Variants in REL observed in about 807,000 individuals in gnomAD.
The protein encoded by REL is REL proto-oncogene, NF-kB subunit.
REL carries 15 observed loss-of-function variants against 45.9 expected under a neutral mutation model. That is an observed-to-expected ratio of 0.33 (90% CI 0.22 to 0.50). The LOEUF is 0.50. Among genes scored for constraint, REL ranks in the 20% least tolerant of loss-of-function variants. REL has a pLI of 0.98. For synonymous variants in REL, 239 were observed against 242.1 expected (o/e 0.99, Z 0.12); for missense variants, 601 against 715.2 (o/e 0.84, Z 1.82).
chr2:60,900,259 C>G (rs1312200291), intron 3 of REL: 1 of 152,230 alleles, frequency 6.6e-6, no homozygotes, highest in African/African-American at 2.4e-5. Context: ...ATAGGCAACA[C>G]TTTTGTGAGC....
In REL at chr2:60,881,656, C is replaced by A; in HGVS notation, c.-185C>A. 1.9e-6 allele frequency: 1 copy of A among 528,642 alleles called. No individual in the cohort carries two copies. The highest frequency in any genetic ancestry group is 3.3e-6 in the Non-Finnish European group (1 of 298,770). 32.7% of individuals were successfully genotyped at this position (528,642 alleles called of 1,614,324 possible). On this transcript the variant is annotated 5_prime_UTR_variant, in exon 1 of 10. Transcript: ENST00000394479. ...CTGGGTGACCCGGGGTGCAAGAATT[C>A]AGGGGTTGGGAAGGTGTGAGCCGCA...
intron 3 of REL, among the ~76,000 whole-genome samples, chr2:60,896,412 T>C (rs1673349316): frequency 6.6e-6 from 1 of 152,210 alleles, no homozygotes; most frequent in South Asian, 2.1e-4. Context: ...AAGGTATTAA[T>C]AGTAGTTGTC....
chr2:60,913,058 A>G (rs998869163), intron 4 of REL, among the ~76,000 whole-genome samples: 1 of 152,176 alleles, frequency 6.6e-6, no homozygotes, highest in African/African-American at 2.4e-5. Context: ...TGTTTTCTAT[A>G]AAACTTTTGA....
Position 60,929,856 on chromosome 2 carries a change from C to A in REL, c.*7321C>A, listed in dbSNP as rs1239885782. 1 of 151,732 alleles carries A rather than the reference C, an allele frequency of 6.6e-6. No individual in the cohort carries two copies. The highest frequency in any genetic ancestry group is 1.9e-4 in the East Asian group (1 of 5,182). 9.4% of individuals were successfully genotyped at this position (151,732 alleles called of 1,614,324 possible). ...AAATAAATAAATAAGAAAAAGAAAGCCAGGCATGGTGACATGTGCCTGTGG... is the reference window on the plus strand; with the variant it reads ...AAATAAATAAATAAGAAAAAGAAAGACAGGCATGGTGACATGTGCCTGTGG... On this transcript the variant is annotated 3_prime_UTR_variant, in exon 10 of 10. Coordinates refer to ENST00000394479, the MANE Select transcript of REL (RefSeq NM_001291746.2).
At chr2:60,884,582 G>A (rs1034780184) in intron 1 of REL, among the ~76,000 whole-genome samples, 50 of 152,010 alleles carry the variant, frequency 3.3e-4, no homozygotes, top group Admixed American at 7.2e-4. Flanking sequence ...TTTAATATAA[G>A]TAAAATTAGA....
In REL at chr2:60,928,429, C is replaced by T. The variant is rs1674317386; in HGVS notation, c.*5894C>T. On this transcript the variant is annotated 3_prime_UTR_variant, in exon 10 of 10. Transcript: ENST00000394479. The stretch of plus-strand genomic sequence containing the variant: ...CACTACCTGACTTCAAACTATACTA[C>T]AAGGCTACAGTAACCAAAACAGCAT... 1.3e-5 allele frequency: 2 copies of T among 151,668 alleles called. No homozygotes were observed. The highest frequency in any genetic ancestry group is 4.2e-4 in the South Asian group (2 of 4,802). 9.4% of individuals were successfully genotyped at this position (151,668 alleles called of 1,614,324 possible). A position where few individuals can be genotyped will look rare whatever the true frequency, so the allele number is the denominator to read the frequency against.
At chr2:60,900,890 T>C in intron 3 of REL, 102 bp from the exon 4 acceptor site, 1 of 975,904 alleles carries the variant, frequency 1.0e-6, no homozygotes, top group Non-Finnish European at 1.5e-6. Flanking sequence ...CTTTGGTATG[T>C]ACAACTGACA....
At chr2:60,901,341 A>G (rs1274465420) in intron 4 of REL, among the ~76,000 whole-genome samples, 1 of 150,976 alleles carries the variant, frequency 6.6e-6, no homozygotes, top group Non-Finnish European at 1.5e-5. Flanking sequence ...TTTGTATTTT[A>G]AGTAGAGACG....
At chr2:60,897,441 G>A (rs1287053003) in intron 3 of REL, among the ~76,000 whole-genome samples, 2 of 151,732 alleles carry the variant, frequency 1.3e-5, no homozygotes, top group African/African-American at 4.8e-5. Flanking sequence ...CCAAGTAGCT[G>A]GAATTACAGG....
intron 8 of REL, 164 bp from the exon 9 acceptor site, chr2:60,920,410 A>G: frequency 1.5e-6 from 1 of 671,590 alleles, no homozygotes; most frequent in Non-Finnish European, 2.7e-6. Flanking sequence ...CATGTTGACC[A>G]GGATGGTCTT....
At chr2:60,882,897 G>T (rs562832610) in intron 1 of REL, among the ~76,000 whole-genome samples, 30 of 152,222 alleles carry the variant, frequency 2.0e-4, no homozygotes, top group Non-Finnish European at 2.5e-4. Context: ...TCTCCCTTTG[G>T]GGGGGAATAA....
chr2:60,895,212 C>G (rs1673319649), intron 3 of REL, among the ~76,000 whole-genome samples: 1 of 151,668 alleles, frequency 6.6e-6, no homozygotes, highest in African/African-American at 2.4e-5. Flanking sequence ...GAGACAAGGT[C>G]TCGCTCTGTT....
chr2:60,901,148 C>CTA, intron 4 of REL, 65 bp downstream of exon 4: 1 of 849,422 alleles, frequency 1.2e-6, no homozygotes, highest in African/African-American at 2.4e-5. Context: ...TTTTTTCTTT[C>CTA]TCTTTTTTTT....
At position 60,916,997 on chromosome 2, in the gene REL, C is replaced by T. The variant is rs1253056300; in HGVS notation, c.515C>T (p.Ser172Leu). The T allele has an allele frequency of 6.2e-7, 1 of 1,612,678 alleles. No homozygotes were observed. The highest frequency in any genetic ancestry group is 1.7e-5 in the Admixed American group (1 of 59,948). ...NLTTALPPVV[S>L]NPIYDNRAPN... Reference sequence around the variant, plus strand: ...ACGACTGCTCTTCCTCCTGTTGTCTCGAACCCAATTTATGACAACCGTAAG... The same window carrying T: ...ACGACTGCTCTTCCTCCTGTTGTCTTGAACCCAATTTATGACAACCGTAAG... Residue 172 changes from serine to leucine, a missense_variant, in exon 5 of 10, where the codon TCG (serine) becomes TTG (leucine). Around this residue, in one of 4 missense-constraint regions of REL, gnomAD observed 241 missense variants for 347.0 expected, o/e 0.69. Coordinates refer to ENST00000394479, the MANE Select transcript of REL (RefSeq NM_001291746.2).
At chr2:60,884,472 C>G (rs1050544115) in intron 1 of REL, among the ~76,000 whole-genome samples, 1 of 152,006 alleles carries the variant, frequency 6.6e-6, no homozygotes, top group African/African-American at 2.4e-5. Flanking sequence ...TGATCACAGT[C>G]TTTTGACATA....
chr2:60,920,635 CA>C lies in REL; in HGVS notation c.990del (p.Glu331AsnfsTer11). On this transcript the variant is annotated frameshift_variant, in exon 9 of 10. Transcript: ENST00000394479. LOFTEE classifies it low-confidence loss of function (END_TRUNC). ...LGSIGEGRYFKKEPNLFSHDA... is the reference protein window; with the variant it reads ...LGSIGEGRYFXKEPNLFSHDA... Reference sequence around the variant, plus strand: ...GTTCAATTGGAGAAGGAAGATACTTCAAAAAAGGTATTTTATTTCCTATAGC... The same window carrying C: ...GTTCAATTGGAGAAGGAAGATACTTCAAAAAGGTATTTTATTTCCTATAGC... The C allele has an allele frequency of 6.3e-7, 1 of 1,585,878 alleles. No individual in the cohort carries two copies. Among genetic ancestry groups the C allele is most frequent in the Non-Finnish European group, 8.6e-7 (1 of 1,157,798 alleles).
chr2:60,922,067 C>T lies in REL; in HGVS notation c.1296C>T (p.Asn432=), dbSNP rs776249550. Residue 432 remains asparagine, a synonymous_variant, in exon 10 of 10, where the codon AAC becomes AAT. Transcript: ENST00000394479. ...ATGCTTCTAATGCTTGCATTTACAA[C>T]AATGCCGATGACATAGTCGGAATGG... is the stretch of plus-strand genomic sequence containing the variant. ...DLNASNACIY[N]NADDIVGMEA... is the part of the protein sequence containing the mutation. 9 of 1,614,172 alleles carry T rather than the reference C, an allele frequency of 5.6e-6. No homozygotes were observed. The highest frequency in any genetic ancestry group is 2.2e-5 in the East Asian group (1 of 44,882).
At chr2:60,919,002 AG>A (rs1253731019) in intron 7 of REL, among the ~76,000 whole-genome samples, 2 of 152,166 alleles carry the variant, frequency 1.3e-5, no homozygotes, top group African/African-American at 4.8e-5. Context: ...CATGTTGGCT[AG>A]GCTGGTCTCT....
intron 1 of REL, among the ~76,000 whole-genome samples, chr2:60,884,875 G>A (rs1482550538): frequency 6.6e-6 from 1 of 152,138 alleles, no homozygotes; most frequent in African/African-American, 2.4e-5. Context: ...TTAAAGGGGA[G>A]AAATGGAAGT....
Sources: gnomAD v4.1 joint callset for allele counts (sites outside exome capture counted in the v4.1 genomes callset) on GRCh38, gnomAD v4.1.1 for gene constraint, gnomAD v4.1.1 regional missense constraint, MANE v1.5 for transcripts, NCBI Gene and HGNC (gene_info 2026-07-23, HGNC 2026-07-21) for gene names.